PTPRD: variants seen among roughly 807,000 people sequenced by gnomAD.
PTPRD encodes the protein protein tyrosine phosphatase receptor type D.
A neutral mutation model predicts 214.5 loss-of-function variants in PTPRD; 34 were observed. That is an observed-to-expected ratio of 0.16 (90% confidence interval 0.12 to 0.21). The LOEUF is 0.21. Ranked by LOEUF, PTPRD falls within the 10% of genes least tolerant of loss-of-function variation. PTPRD has a pLI of 1.00. For missense variants in PTPRD, 2,545 were observed against 2,398.7 expected, an observed-to-expected ratio of 1.06 and a Z score of -1.27; for synonymous variants, 1,128 against 845.7, an observed-to-expected ratio of 1.33 and a Z score of -5.79.
At chr9:10,324,914 T>C (rs192425764) in intron 3 of PTPRD, among the ~76,000 whole-genome samples, 2 of 152,190 alleles carry the variant, frequency 1.3e-5, no homozygotes, top group East Asian at 3.9e-4. Flanking sequence ...ATTTCAAATT[T>C]TACCAACACA....
At chr9:9,811,276 A>G (rs1291919247) in intron 5 of PTPRD, among the ~76,000 whole-genome samples, 1 of 152,212 alleles carries the variant, frequency 6.6e-6, no homozygotes, top group Non-Finnish European at 1.5e-5. Flanking sequence ...GGGTTCAGGA[A>G]CGCAGTGAAA....
intron 5 of PTPRD, among the ~76,000 whole-genome samples, chr9:9,770,325 A>G (rs1158328817): frequency 6.6e-6 from 1 of 152,182 alleles, no homozygotes; most frequent in African/African-American, 2.4e-5. Flanking sequence ...GAAATTTTAT[A>G]TTACATCACA....
At chr9:8,754,223 T>G (rs2093785624) in intron 11 of PTPRD, among the ~76,000 whole-genome samples, 1 of 152,214 alleles carries the variant, frequency 6.6e-6, no homozygotes, top group Admixed American at 6.5e-5. Flanking sequence ...CAATATAAAC[T>G]TCAGCATACT....
chr9:8,624,542 T>A (rs1185963802), intron 14 of PTPRD, among the ~76,000 whole-genome samples: 3 of 151,848 alleles, frequency 2.0e-5, no homozygotes, highest in Non-Finnish European at 2.9e-5. Flanking sequence ...CTAGCTCAGC[T>A]TCAAAGGGAT....
chr9:10,443,740 C>G (rs16926032), intron 2 of PTPRD, among the ~76,000 whole-genome samples: 13,697 of 151,178 alleles, frequency 0.091, 1,051 homozygotes, highest in African/African-American at 0.2. Context: ...GAGTCCATTA[C>G]CTGTTAACTA....
At chr9:9,026,941 G>C (rs1289735777) in intron 10 of PTPRD, among the ~76,000 whole-genome samples, 1 of 151,562 alleles carries the variant, frequency 6.6e-6, no homozygotes, top group African/African-American at 2.4e-5. Flanking sequence ...TCCCCAGCCA[G>C]AGCTTCATCT....
chr9:8,554,332 G>T (rs1185542368), intron 14 of PTPRD, among the ~76,000 whole-genome samples: 1 of 152,142 alleles, frequency 6.6e-6, no homozygotes, highest in Non-Finnish European at 1.5e-5. Flanking sequence ...AGAAAAAAAT[G>T]ATTATTCTCA....
At chr9:9,570,475 T>C (rs1196629053) in intron 8 of PTPRD, among the ~76,000 whole-genome samples, 1 of 151,610 alleles carries the variant, frequency 6.6e-6, no homozygotes, top group Non-Finnish European at 1.5e-5. Flanking sequence ...TTTTTCCCTT[T>C]AACTATCACT....
intron 14 of PTPRD, among the ~76,000 whole-genome samples, chr9:8,596,165 A>G (rs2094464418): frequency 6.6e-6 from 1 of 152,146 alleles, no homozygotes; most frequent in Non-Finnish European, 1.5e-5. Flanking sequence ...TGTAAGATAT[A>G]AAATACAAGA....
intron 9 of PTPRD, among the ~76,000 whole-genome samples, chr9:9,329,574 T>A (rs569731390): frequency 6.6e-6 from 1 of 152,296 alleles, no homozygotes; most frequent in African/African-American, 2.4e-5. Flanking sequence ...GCTCCTCTCA[T>A]CCTAACCCCA....
chr9:9,978,680 G>C (rs1049902718), intron 4 of PTPRD, among the ~76,000 whole-genome samples: 1 of 151,966 alleles, frequency 6.6e-6, no homozygotes, highest in African/African-American at 2.4e-5. Context: ...TGCACAGATA[G>C]ATATAATGAC....
chr9:9,303,481 A>G (rs1956159510), intron 9 of PTPRD, among the ~76,000 whole-genome samples: 3 of 152,082 alleles, frequency 2.0e-5, no homozygotes, highest in African/African-American at 7.2e-5. Context: ...TTATGCCGTA[A>G]TAACAATAAC....
At chr9:9,697,428 G>C (rs181459456) in intron 7 of PTPRD, among the ~76,000 whole-genome samples, 14 of 152,154 alleles carry the variant, frequency 9.2e-5, no homozygotes, top group Middle Eastern at 3.4e-3. Flanking sequence ...CTTCATGTTT[G>C]AAGAATAGCT....
intron 5 of PTPRD, among the ~76,000 whole-genome samples, chr9:9,832,228 G>A (rs1223246987): frequency 6.6e-6 from 1 of 151,982 alleles, no homozygotes; most frequent in Admixed American, 6.6e-5. Flanking sequence ...ATGGGAAGTA[G>A]ATCTTGGAGT....
intron 45 of PTPRD, among the ~76,000 whole-genome samples, chr9:8,319,420 G>C (rs886454466): frequency 3.3e-5 from 5 of 151,898 alleles, no homozygotes; most frequent in African/African-American, 1.2e-4. Flanking sequence ...AAATATAGAA[G>C]AGCTGATACC....
Position 9,507,890 on chromosome 9 carries a change from G to A in PTPRD, c.-237+66842C>T, listed in dbSNP as rs917547507. ...AAAGTCTATTTGATTTTTGTCATTC[G>A]TGTCTTGGGTAGCTCTGTATTCAGA... On this transcript the variant is annotated intron_variant, in intron 8 of 45. Coordinates refer to ENST00000381196, the MANE Select transcript of PTPRD (RefSeq NM_002839.4). Among the ~76,000 whole-genome samples, 42 of 151,278 alleles carry A rather than the reference G, an allele frequency of 2.8e-4. 1 individual carries two copies. The highest frequency in any genetic ancestry group is 2.5e-3 in the Admixed American group (38 of 15,108).
intron 4 of PTPRD, among the ~76,000 whole-genome samples, chr9:9,955,877 A>C (rs2093886212): frequency 6.6e-6 from 1 of 152,102 alleles, no homozygotes; most frequent in South Asian, 2.1e-4. Flanking sequence ...AGATTTTCCA[A>C]AACTTAATGT....
chr9:8,411,006 C>A (rs2093469240), intron 35 of PTPRD, among the ~76,000 whole-genome samples: 2 of 151,762 alleles, frequency 1.3e-5, no homozygotes, highest in South Asian at 4.2e-4. Context: ...CTGAGGAAAC[C>A]ATTGATTCCC....
intron 10 of PTPRD, among the ~76,000 whole-genome samples, chr9:9,084,532 T>A (rs2099764171): frequency 6.6e-6 from 1 of 152,026 alleles, no homozygotes; most frequent in Admixed American, 6.6e-5. Context: ...TGCACATGTA[T>A]CCCAGAATTA....
Sources: gnomAD v4.1 joint callset for allele counts (sites outside exome capture counted in the v4.1 genomes callset) on GRCh38, gnomAD v4.1.1 for gene constraint, MANE v1.5 for transcripts, NCBI Gene and HGNC (gene_info 2026-07-23, HGNC 2026-07-21) for gene names.